The following CDYL2 variants were observed in gnomAD, a reference collection of about 807,000 sequenced individuals.
The protein encoded by CDYL2 is chromodomain Y like 2.
In CDYL2, 23 loss-of-function variants were observed where a neutral mutation model predicts 49.4. That is an observed-to-expected ratio of 0.47 (90% CI 0.34 to 0.66). The LOEUF is 0.66. CDYL2 is among the 30% of genes least tolerant of loss of function. The probability of loss-of-function intolerance (pLI) is 0.01; values close to 1 mark genes in which losing one functional copy is unlikely to be tolerated. For missense variants in CDYL2, 678 were observed against 656.4 expected (o/e 1.03, Z -0.36); for synonymous variants, 360 against 268.8 (o/e 1.34, Z -3.32).
At position 80,684,958 on chromosome 16, in the gene CDYL2, T is replaced by C. The variant is rs781244552; in HGVS notation, c.196A>G (p.Ile66Val). The change falls in exon 2 of 7, where the codon ATC becomes GTC. Residue 66 changes from isoleucine to valine, a missense_variant. By Grantham distance (29) the Ile-to-Val change is conservative. This residue lies in a region of CDYL2 where 478 missense variants were observed against 427.0 expected (regional missense o/e 1.12). Transcript: ENST00000570137. ...NGLHMSKDKR[I>V]KSGKQSSTSK... is the part of the protein sequence containing the mutation. ...GTACTGGACTGCTTCCCTGACTTGATCCTCTTGTCCTTGGACATGTGCAAC... is the reference window on the plus strand; with the variant it reads ...GTACTGGACTGCTTCCCTGACTTGACCCTCTTGTCCTTGGACATGTGCAAC... 1 of 1,614,052 alleles carries C rather than the reference T, an allele frequency of 6.2e-7. No individual in the cohort carries two copies. The highest frequency in any genetic ancestry group is 8.5e-7 in the Non-Finnish European group (1 of 1,180,036).
At chr16:80,784,573 G>C (rs1011826270) in intron 1 of CDYL2, among the ~76,000 whole-genome samples, 1 of 151,996 alleles carries the variant, frequency 6.6e-6, no homozygotes, top group Non-Finnish European at 1.5e-5. Context: ...AACATATCAG[G>C]GTAAGAGCAG....
intron 2 of CDYL2, among the ~76,000 whole-genome samples, chr16:80,637,860 G>C (rs1287423133): frequency 6.6e-6 from 1 of 152,124 alleles, no homozygotes; most frequent in Non-Finnish European, 1.5e-5. Context: ...GGGTATCTAA[G>C]CATCACACGT....
intron 1 of CDYL2, chr16:80,736,427 TTATGTG>T (rs1346313635): frequency 6.6e-6 from 1 of 152,198 alleles, no homozygotes; most frequent in African/African-American, 2.4e-5. Flanking sequence ...TACGAAGCCC[TTATGTG>T]CAACATGACA....
chr16:80,613,125 T>C (rs558691374), intron 4 of CDYL2, among the ~76,000 whole-genome samples: 2 of 152,198 alleles, frequency 1.3e-5, no homozygotes, highest in South Asian at 4.2e-4. Flanking sequence ...AGCCATAGCT[T>C]ACACAGTAAG....
rs1286802826 is a variant in CDYL2 at position 80,604,195 on chromosome 16, C to G, written c.*193G>C. ...GGAAGGGCAGGGAGGTGGGGGAGGCCAAGTATGCTGCGTTTTCCATCCATT... is the reference window on the plus strand; with the variant it reads ...GGAAGGGCAGGGAGGTGGGGGAGGCGAAGTATGCTGCGTTTTCCATCCATT... On this transcript the variant is annotated 3_prime_UTR_variant, in exon 7 of 7. Transcript: ENST00000570137. 3 of 632,286 alleles carry G rather than the reference C, an allele frequency of 4.7e-6. No individual in the cohort carries two copies. The highest frequency in any genetic ancestry group is 1.8e-5 in the African/African-American group (1 of 54,476). The allele number at this position is 632,286 out of a possible 1,614,324, so 39.2% of individuals were successfully genotyped here.
rs1409964711 is a variant in CDYL2, at chr16:80,603,676, A to G, written c.*712T>C. On this transcript the variant is annotated 3_prime_UTR_variant, in exon 7 of 7. Coordinates refer to ENST00000570137, the MANE Select transcript of CDYL2 (RefSeq NM_152342.4). ...ATATAAACAAAAATAAATAAATAAA[A>G]CAAGTCCAAGGAAAGAAAAAACATT... 6.5e-6 allele frequency: 1 copy of G among 152,794 alleles called. No homozygotes were observed. The highest frequency in any genetic ancestry group is 2.4e-5 in the African/African-American group (1 of 41,584). The allele number at this position is 152,794 out of a possible 1,614,324, so 9.5% of individuals were successfully genotyped here. A position where few individuals can be genotyped will look rare whatever the true frequency, so the allele number is the denominator to read the frequency against.
At chr16:80,672,792 G>A (rs1473436935) in intron 2 of CDYL2, among the ~76,000 whole-genome samples, 2 of 152,156 alleles carry the variant, frequency 1.3e-5, no homozygotes, top group Admixed American at 6.5e-5. Flanking sequence ...GCTGCTAAAT[G>A]TAACATCCTT....
intron 1 of CDYL2, among the ~76,000 whole-genome samples, chr16:80,711,684 G>A (rs1904600928): frequency 6.6e-6 from 1 of 152,090 alleles, no homozygotes; most frequent in Admixed American, 6.6e-5. Flanking sequence ...TGTCTCCAAT[G>A]GTTGTTCTAA....
chr16:80,694,538 T>G (rs1047144736), intron 1 of CDYL2, among the ~76,000 whole-genome samples: 7 of 152,176 alleles, frequency 4.6e-5, no homozygotes, highest in Non-Finnish European at 7.3e-5. Context: ...GAATAAACCC[T>G]GGAATACTGA....
chr16:80,653,958 G>A lies in CDYL2; in HGVS notation c.617-20722C>T, dbSNP rs11862784. On this transcript the variant is annotated intron_variant, in intron 2 of 6. Transcript: ENST00000570137. ...AAACCCCAGGAGTCACTGTGGTGTC[G>A]AGTGTGAGCCATCTTCCTCATGCAT... Among the ~76,000 whole-genome samples, 1,063 of 152,272 alleles carry A rather than the reference G, an allele frequency of 7.0e-3. 12 individuals carry two copies. Among genetic ancestry groups the A allele is most frequent in the African/African-American group, 0.022 (923 of 41,548 alleles).
chr16:80,705,671 C>T (rs1455484973), intron 1 of CDYL2, among the ~76,000 whole-genome samples: 1 of 152,218 alleles, frequency 6.6e-6, no homozygotes, highest in Non-Finnish European at 1.5e-5. Context: ...TGTGAAGGCC[C>T]AGATGGTAAA....
chr16:80,711,447 G>C (rs1288108597), intron 1 of CDYL2, among the ~76,000 whole-genome samples: 2 of 152,178 alleles, frequency 1.3e-5, no homozygotes, highest in Non-Finnish European at 2.9e-5. Context: ...GCTTAACAGA[G>C]CGTCCTGTTT....
At chr16:80,797,343 A>G (rs952172082) in intron 1 of CDYL2, among the ~76,000 whole-genome samples, 1 of 152,182 alleles carries the variant, frequency 6.6e-6, no homozygotes, top group Non-Finnish European at 1.5e-5. Flanking sequence ...GGAAGCCTGG[A>G]AATTATACCT....
At chr16:80,774,709 A>T (rs1260961773) in intron 1 of CDYL2, among the ~76,000 whole-genome samples, 1 of 152,182 alleles carries the variant, frequency 6.6e-6, no homozygotes, top group Non-Finnish European at 1.5e-5. Context: ...TAAGTGTAGC[A>T]GGAGGATATT....
rs547080272 is a variant in CDYL2, at chr16:80,748,264, C to T, written c.24+55886G>A. On this transcript the variant is annotated intron_variant, in intron 1 of 6. Transcript: ENST00000570137. ...TGGGTGGACCGGGCGCGCTGGCTCA[C>T]GCCTGTAATCCCAGCACTTTGGGAG... Among the ~76,000 whole-genome samples, 11 of 147,666 alleles carry T rather than the reference C, an allele frequency of 7.4e-5. No homozygotes were observed. The South Asian group carries it at 1.7e-3, about 23-fold the overall frequency.
intron 2 of CDYL2, among the ~76,000 whole-genome samples, chr16:80,672,980 T>C (rs1310780921): frequency 1.3e-5 from 2 of 152,156 alleles, no homozygotes; most frequent in African/African-American, 4.8e-5. Context: ...ATTAGATAAG[T>C]GTTTTGTGTC....
intron 2 of CDYL2, among the ~76,000 whole-genome samples, chr16:80,666,207 G>A (rs968235875): frequency 6.6e-6 from 1 of 152,184 alleles, no homozygotes; most frequent in Non-Finnish European, 1.5e-5. Context: ...TGAACACACG[G>A]AGCCTCTTTC....
chr16:80,663,705 G>C (rs1391698824), intron 2 of CDYL2, among the ~76,000 whole-genome samples: 2 of 152,136 alleles, frequency 1.3e-5, no homozygotes, highest in Middle Eastern at 6.8e-3. Context: ...TGATTCTCCT[G>C]CCTCAGCTTC....
At chr16:80,687,400 G>A (rs776919793) in intron 1 of CDYL2, among the ~76,000 whole-genome samples, 3 of 152,120 alleles carry the variant, frequency 2.0e-5, no homozygotes, top group African/African-American at 4.8e-5. Flanking sequence ...ATGGGTGGAT[G>A]GGTGGGTGGA....
Sources: gnomAD v4.1 joint callset for allele counts (sites outside exome capture counted in the v4.1 genomes callset) on GRCh38, gnomAD v4.1.1 for gene constraint, gnomAD v4.1.1 regional missense constraint, MANE v1.5 for transcripts, NCBI Gene and HGNC (gene_info 2026-07-23, HGNC 2026-07-21) for gene names.